TAF4: variants seen among roughly 807,000 people sequenced by gnomAD.
TAF4 encodes the protein TATA-box binding protein associated factor 4.
TAF4 carries 9 observed loss-of-function variants against 90.3 expected under a neutral mutation model. The observed-to-expected ratio is 0.10, with a 90% CI of 0.06 to 0.17. The LOEUF is 0.17. Ranked by LOEUF, TAF4 falls within the 10% of genes least tolerant of loss-of-function variation. The pLI is 1.00. For synonymous variants in TAF4, 818 were observed against 638.9 expected (o/e 1.28, Z -4.23); for missense variants, 1,351 against 1,370.7 (o/e 0.99, Z 0.23).
intron 1 of TAF4, among the ~76,000 whole-genome samples, chr20:62,061,855 T>C (rs2056090462): frequency 6.6e-6 from 1 of 152,240 alleles, no homozygotes; most frequent in Admixed American, 6.5e-5. Flanking sequence ...TTTACAACAC[T>C]GTCCTGACAA....
At chr20:62,012,573 G>A (rs2055785242) in intron 3 of TAF4, 8 of 448,200 alleles carry the variant, frequency 1.8e-5, no homozygotes, top group Non-Finnish European at 3.0e-5. Context: ...AGCTTGAACA[G>A]TGCTGCTGGT....
chr20:62,030,105 C>T (rs115859101), intron 1 of TAF4, among the ~76,000 whole-genome samples: 2,444 of 152,268 alleles, frequency 0.016, 64 homozygotes, highest in African/African-American at 0.056. Flanking sequence ...GCGCAGCGGG[C>T]CAGAGCCCCG....
intron 1 of TAF4, among the ~76,000 whole-genome samples, chr20:62,029,488 A>ACG (rs2055892751): frequency 7.7e-6 from 1 of 129,050 alleles, no homozygotes; most frequent in African/African-American, 3.1e-5. Context: ...GCGCGCGCGC[A>ACG]CACACACACA....
chr20:62,028,489 G>A (rs1456552244), intron 1 of TAF4, among the ~76,000 whole-genome samples: 3 of 152,110 alleles, frequency 2.0e-5, no homozygotes, highest in African/African-American at 2.4e-5. Context: ...CGTTTTGCTC[G>A]CTTGGGTTCC....
chr20:62,053,893 C>G (rs936895371), intron 1 of TAF4, among the ~76,000 whole-genome samples: 1 of 152,240 alleles, frequency 6.6e-6, no homozygotes, highest in Admixed American at 6.5e-5. Context: ...CTCTTGGCCA[C>G]TTGAAGCCCT....
At chr20:62,031,214 G>A (rs1299916083) in intron 1 of TAF4, among the ~76,000 whole-genome samples, 1 of 152,024 alleles carries the variant, frequency 6.6e-6, no homozygotes, top group Admixed American at 6.5e-5. Flanking sequence ...CTCTTTCAGG[G>A]AGCCTGGGTC....
intron 1 of TAF4, among the ~76,000 whole-genome samples, chr20:62,031,075 C>A (rs891182223): frequency 7.9e-5 from 12 of 152,242 alleles, no homozygotes; most frequent in African/African-American, 2.9e-4. Flanking sequence ...GTTGAAAACA[C>A]TGAGCACCTG....
chr20:61,991,750 T>C (rs899866749), intron 14 of TAF4, among the ~76,000 whole-genome samples: 1 of 152,286 alleles, frequency 6.6e-6, no homozygotes, highest in Middle Eastern at 3.4e-3. Context: ...AGGATCATTA[T>C]TGCAGATGTT....
At chr20:62,015,005 C>T (rs1347611982) in intron 1 of TAF4, among the ~76,000 whole-genome samples, 1 of 152,212 alleles carries the variant, frequency 6.6e-6, no homozygotes, top group Non-Finnish European at 1.5e-5. Flanking sequence ...CACCACGTGC[C>T]CCCATGCCCC....
intron 1 of TAF4, among the ~76,000 whole-genome samples, chr20:62,034,968 C>T (rs2145496662): frequency 6.6e-6 from 1 of 152,032 alleles, no homozygotes; most frequent in African/African-American, 2.4e-5. Context: ...CTACAGGCAC[C>T]CACCACCATG....
At chr20:61,987,327 C>T (rs1257176363) in intron 14 of TAF4, among the ~76,000 whole-genome samples, 1 of 151,982 alleles carries the variant, frequency 6.6e-6, no homozygotes, top group African/African-American at 2.4e-5. Flanking sequence ...ACCAAGGAGC[C>T]GAGGAGCCGC....
intron 14 of TAF4, among the ~76,000 whole-genome samples, chr20:61,979,841 C>T (rs982007838): frequency 9.9e-5 from 15 of 150,868 alleles, no homozygotes; most frequent in African/African-American, 3.2e-4. Context: ...CCCGTGCAGG[C>T]GCCGTGGCCA....
At chr20:62,032,127 C>T in intron 1 of TAF4, among the ~76,000 whole-genome samples, 1 of 152,226 alleles carries the variant, frequency 6.6e-6, no homozygotes, top group East Asian at 1.9e-4. Context: ...TACGTTTGAT[C>T]TGCTAACTTA....
At chr20:61,993,233 T>C (rs2055643075) in intron 14 of TAF4, among the ~76,000 whole-genome samples, 1 of 152,040 alleles carries the variant, frequency 6.6e-6, no homozygotes, top group African/African-American at 2.4e-5. Flanking sequence ...CCAGCCACCG[T>C]CCCCGGGGCG....
At chr20:62,034,032 ACT>A (rs1436564088) in intron 1 of TAF4, among the ~76,000 whole-genome samples, 1 of 149,392 alleles carries the variant, frequency 6.7e-6, no homozygotes, top group Non-Finnish European at 1.5e-5. Flanking sequence ...ACAGAGCAAG[ACT>A]CTGTCTCCAA....
intron 1 of TAF4, among the ~76,000 whole-genome samples, chr20:62,028,029 C>A (rs2055884043): frequency 2.0e-5 from 3 of 152,242 alleles, no homozygotes; most frequent in African/African-American, 7.2e-5. Context: ...TCTAAGCCAT[C>A]TGATTGCTCA....
Position 61,975,946 on chromosome 20 carries a change from A to C in TAF4, c.*222T>G. On this transcript the variant is annotated 3_prime_UTR_variant, in exon 15 of 15. Coordinates refer to ENST00000252996, the MANE Select transcript of TAF4 (RefSeq NM_003185.4). ...TTGGCAGGAAGGCCACTCAATCAAGATGAGTTAAGATTTAATTGTCCTTTA... is the reference window on the plus strand; with the variant it reads ...TTGGCAGGAAGGCCACTCAATCAAGCTGAGTTAAGATTTAATTGTCCTTTA... The C allele has an allele frequency of 1.9e-6, 1 of 533,038 alleles. No homozygotes were observed. The highest frequency in any genetic ancestry group is 3.3e-6 in the Non-Finnish European group (1 of 302,670). 33.0% of individuals were successfully genotyped at this position (533,038 alleles called of 1,614,324 possible).
At chr20:62,035,520 G>A (rs192887304) in intron 1 of TAF4, among the ~76,000 whole-genome samples, 142 of 152,296 alleles carry the variant, frequency 9.3e-4, no homozygotes, top group Admixed American at 2.4e-3. Flanking sequence ...GGAGGCAAAT[G>A]AAAATGGAGC....
chr20:61,999,289 G>A (rs28382112), intron 11 of TAF4, among the ~76,000 whole-genome samples, 181 bp from the exon 12 acceptor site: 3,643 of 151,920 alleles, frequency 0.024, 63 homozygotes, highest in Middle Eastern at 0.058. Flanking sequence ...CGATGCTCAC[G>A]TCCACAGAAC....
Sources: gnomAD v4.1 joint callset for allele counts (sites outside exome capture counted in the v4.1 genomes callset) on GRCh38, gnomAD v4.1.1 for gene constraint, MANE v1.5 for transcripts, NCBI Gene and HGNC (gene_info 2026-07-23, HGNC 2026-07-21) for gene names.